GRIK1: variants seen among roughly 807,000 people sequenced by gnomAD.
GRIK1 encodes the protein glutamate receptor ionotropic, kainate 1.
Under a neutral mutation model 105.7 loss-of-function variants are expected in GRIK1, and 69 were observed. The ratio of observed to expected loss-of-function variants is 0.65; its 90% CI spans 0.54 to 0.80. GRIK1 has a LOEUF of 0.80. Among genes scored for constraint, GRIK1 ranks in the 30% least tolerant of loss-of-function variants. The pLI, the probability that GRIK1 is intolerant of heterozygous loss-of-function variation, is 0.00. For missense variants in GRIK1, 1,109 were observed against 1,167.3 expected, an observed-to-expected ratio of 0.95 and a Z score of 0.73; for synonymous variants, 438 against 431.3, an observed-to-expected ratio of 1.02 and a Z score of -0.19.
chr21:29,741,468 C>T (rs2064925875), intron 1 of GRIK1, among the ~76,000 whole-genome samples: 1 of 152,024 alleles, frequency 6.6e-6, no homozygotes, highest in South Asian at 2.1e-4. Flanking sequence ...AATGTAGCTG[C>T]TATTTAGTAT....
intron 1 of GRIK1, among the ~76,000 whole-genome samples, chr21:29,930,249 T>C (rs1028128461): frequency 1.3e-5 from 2 of 152,132 alleles, no homozygotes. Context: ...CATTAATCCA[T>C]TTTTAGGAGA....
chr21:29,875,653 T>C (rs2069166692), intron 1 of GRIK1, among the ~76,000 whole-genome samples: 1 of 152,176 alleles, frequency 6.6e-6, no homozygotes, highest in Admixed American at 6.5e-5. Context: ...GAGCCCACCA[T>C]GACCCAAATA....
intron 1 of GRIK1, among the ~76,000 whole-genome samples, chr21:29,790,084 T>C (rs546173144): frequency 3.3e-5 from 5 of 152,322 alleles, no homozygotes; most frequent in African/African-American, 1.2e-4. Context: ...GGAGTCTCGC[T>C]GTATCACCAG....
At chr21:29,712,409 CAT>C (rs2064079319) in intron 1 of GRIK1, among the ~76,000 whole-genome samples, 1 of 151,944 alleles carries the variant, frequency 6.6e-6, no homozygotes, top group Admixed American at 6.6e-5. Context: ...AAAATTATAA[CAT>C]ATTATGAAGA....
chr21:29,693,125 G>A (rs1056486482), intron 2 of GRIK1, among the ~76,000 whole-genome samples: 2 of 152,172 alleles, frequency 1.3e-5, no homozygotes, highest in Admixed American at 1.3e-4. Flanking sequence ...CCCCCAATCT[G>A]GGGTGATGAG....
chr21:29,788,254 T>C (rs1297571533), intron 1 of GRIK1, among the ~76,000 whole-genome samples: 1 of 152,102 alleles, frequency 6.6e-6, no homozygotes, highest in Non-Finnish European at 1.5e-5. Context: ...GGGCGAATTG[T>C]TATGAGAGTG....
At chr21:29,573,935 A>C (rs1031254253) in intron 14 of GRIK1, among the ~76,000 whole-genome samples, 1 of 152,128 alleles carries the variant, frequency 6.6e-6, no homozygotes, top group African/African-American at 2.4e-5. Context: ...ATTCTGAAAA[A>C]TCCCAAATCT....
At chr21:29,876,110 A>ATGTGTG (rs200701692) in intron 1 of GRIK1, among the ~76,000 whole-genome samples, 7 of 39,638 alleles carry the variant, frequency 1.8e-4, no homozygotes, top group African/African-American at 5.3e-4. Context: ...GAGGAGATAG[A>ATGTGTG]TATGTGTGTG....
intron 1 of GRIK1, among the ~76,000 whole-genome samples, chr21:29,803,279 C>T (rs1483987897): frequency 6.6e-6 from 1 of 152,088 alleles, no homozygotes; most frequent in Non-Finnish European, 1.5e-5. Flanking sequence ...AATAAGTAAG[C>T]AAATGCCATA....
intron 4 of GRIK1, among the ~76,000 whole-genome samples, chr21:29,669,333 C>T (rs959171383): frequency 6.6e-6 from 1 of 152,114 alleles, no homozygotes; most frequent in Non-Finnish European, 1.5e-5. Context: ...AAATGCAGGA[C>T]AATGATGGAA....
chr21:29,879,210 TA>T (rs1333627486), intron 1 of GRIK1, among the ~76,000 whole-genome samples: 1 of 152,090 alleles, frequency 6.6e-6, no homozygotes, highest in Non-Finnish European at 1.5e-5. Context: ...TTTGAAACAA[TA>T]GCGGGGAAGC....
At chr21:29,678,618 T>C (rs905606311) in intron 3 of GRIK1, among the ~76,000 whole-genome samples, 1 of 152,096 alleles carries the variant, frequency 6.6e-6, no homozygotes, top group Non-Finnish European at 1.5e-5. Flanking sequence ...GTGGGAGATA[T>C]GAAGGGTAGA....
chr21:29,794,653 C>A (rs558755905), intron 1 of GRIK1, among the ~76,000 whole-genome samples: 2 of 152,096 alleles, frequency 1.3e-5, no homozygotes, highest in East Asian at 3.8e-4. Context: ...AAACTGTTTT[C>A]TTTTTATGTA....
intron 1 of GRIK1, among the ~76,000 whole-genome samples, chr21:29,878,912 T>C (rs1363087328): frequency 2.0e-5 from 3 of 151,760 alleles, no homozygotes; most frequent in Admixed American, 2.0e-4. Flanking sequence ...GTCACCAAAT[T>C]TGCCAGCGCC....
rs572622130 is a variant in GRIK1 at position 29,722,682 on chromosome 21, G to A, written c.119-28619C>T. 1.7e-4 allele frequency among the ~76,000 whole-genome samples: 25 copies of A among 151,118 alleles called. 1 individual carries two copies. The highest frequency in any genetic ancestry group is 2.8e-4 in the Non-Finnish European group (19 of 67,896). On this transcript the variant is annotated intron_variant, in intron 1 of 17. Coordinates refer to ENST00000327783, the MANE Select transcript of GRIK1 (RefSeq NM_001330994.2). ...TGAAAGATTTGAAAAATGAAAATACGTGCTGTAACATACATTATATACAAA... is the reference window on the plus strand; with the variant it reads ...TGAAAGATTTGAAAAATGAAAATACATGCTGTAACATACATTATATACAAA...
chr21:29,793,780 T>G (rs1007275005), intron 1 of GRIK1, among the ~76,000 whole-genome samples: 4 of 152,186 alleles, frequency 2.6e-5, no homozygotes, highest in East Asian at 1.9e-4. Flanking sequence ...GCTCAGAAAA[T>G]TTTGCTTATA....
chr21:29,891,951 C>T (rs1039898008), intron 1 of GRIK1, among the ~76,000 whole-genome samples: 2 of 152,166 alleles, frequency 1.3e-5, no homozygotes, highest in African/African-American at 4.8e-5. Context: ...GTCTACATAT[C>T]GTAGGTACTC....
chr21:29,707,415 T>C (rs999691470), intron 1 of GRIK1, among the ~76,000 whole-genome samples: 1 of 38,308 alleles, frequency 2.6e-5, no homozygotes, highest in Non-Finnish European at 5.6e-5. Flanking sequence ...TCCGGCTTTC[T>C]TTCTTTCTTT....
intron 7 of GRIK1, among the ~76,000 whole-genome samples, chr21:29,633,867 G>A (rs1041535813): frequency 2.0e-5 from 3 of 152,158 alleles, no homozygotes; most frequent in Non-Finnish European, 4.4e-5. Context: ...ATGAGAAATA[G>A]AAATGGAAAT....
Sources: allele counts gnomAD v4.1 joint callset (sites outside exome capture counted in the v4.1 genomes callset), GRCh38; gene constraint gnomAD v4.1.1; transcripts MANE v1.5; gene names NCBI Gene and HGNC (gene_info 2026-07-23, HGNC 2026-07-21).